The following CALN1 variants were observed in gnomAD, a reference collection of about 807,000 sequenced individuals.
CALN1 encodes the protein calcium-binding protein 8.
A neutral mutation model predicts 30.6 loss-of-function variants in CALN1; 17 were observed. The ratio of observed to expected loss-of-function variants is 0.56; its 90% CI spans 0.38 to 0.83. The LOEUF (loss-of-function observed/expected upper bound fraction) is 0.83. CALN1 is among the 40% of genes least tolerant of loss of function. The pLI, the probability that CALN1 is intolerant of heterozygous loss-of-function variation, is 0.00. For missense variants in CALN1, 291 were observed against 354.9 expected (o/e 0.82, Z 1.45); for synonymous variants, 156 against 131.4 (o/e 1.19, Z -1.28).
intron 2 of CALN1, among the ~76,000 whole-genome samples, chr7:72,330,340 C>T (rs1405464760): frequency 5.9e-5 from 9 of 151,374 alleles, no homozygotes; most frequent in Admixed American, 2.6e-4. Flanking sequence ...TGGTGGTGTA[C>T]GTCTGTAATC....
intron 2 of CALN1, among the ~76,000 whole-genome samples, chr7:72,300,668 T>C (rs6979866): frequency 0.47 from 71,052 of 152,060 alleles, 17,573 homozygotes; most frequent in South Asian, 0.68. Flanking sequence ...AACACAGATG[T>C]ATGTATTTAA....
the CALN1 span, among the ~76,000 whole-genome samples, chr7:72,462,723 T>C: frequency 6.6e-6 from 1 of 152,178 alleles, no homozygotes; most frequent in Non-Finnish European, 1.5e-5. Context: ...TGCACTCCCT[T>C]TTTCCCCAGA....
Position 72,232,296 on chromosome 7 carries a change from A to C in CALN1, c.244+46390T>G, listed in dbSNP as rs546866688. ...CAGAGGTGAAAGCCAAAAGTAATCC[A>C]GGTCCGGGAAGAAGACAACTAATTG... On this transcript the variant is annotated intron_variant, in intron 3 of 6. Transcript: ENST00000395275. Among the ~76,000 whole-genome samples the C allele has an allele frequency of 3.9e-5, 6 of 152,338 alleles. No individual in the cohort carries two copies. In the South Asian group the frequency reaches 1.2e-3, roughly 32 times the overall value.
intron 1 of CALN1, among the ~76,000 whole-genome samples, chr7:72,446,038 C>T (rs1245672440): frequency 6.6e-6 from 1 of 152,126 alleles, no homozygotes; most frequent in Non-Finnish European, 1.5e-5. Flanking sequence ...CCTTAGAACC[C>T]TGCCTCTAAG....
intron 2 of CALN1, among the ~76,000 whole-genome samples, chr7:72,314,838 TAAA>T (rs10538743): frequency 4.9e-5 from 7 of 144,084 alleles, no homozygotes; most frequent in African/African-American, 7.6e-5. Flanking sequence ...AACATTTTGT[TAAA>T]AAAAAAAAAA....
intron 2 of CALN1, among the ~76,000 whole-genome samples, chr7:72,396,780 T>C (rs1161990493): frequency 1.3e-5 from 2 of 152,118 alleles, no homozygotes; most frequent in Admixed American, 6.5e-5. Flanking sequence ...GGGGTTGAAA[T>C]AGTCATGGAG....
chr7:72,386,434 A>G (rs1805213007), intron 2 of CALN1, among the ~76,000 whole-genome samples: 1 of 152,236 alleles, frequency 6.6e-6, no homozygotes. Context: ...GTTTTAGTTG[A>G]TAAGGTTGTC....
intron 5 of CALN1, among the ~76,000 whole-genome samples, chr7:71,949,741 C>T (rs1029917209): frequency 4.6e-5 from 7 of 151,934 alleles, no homozygotes; most frequent in African/African-American, 1.2e-4. Context: ...TATGCCTGGG[C>T]CTGCTCCCAA....
At chr7:71,945,815 G>A (rs1464118152) in intron 5 of CALN1, among the ~76,000 whole-genome samples, 1 of 152,150 alleles carries the variant, frequency 6.6e-6, no homozygotes, top group African/African-American at 2.4e-5. Flanking sequence ...AATAATAATA[G>A]AAATAAAGTA....
chr7:72,359,990 A>AAAAAAAAAAAAAC (rs1365927582), intron 2 of CALN1, among the ~76,000 whole-genome samples: 74 of 148,080 alleles, frequency 5.0e-4, no homozygotes, highest in Non-Finnish European at 6.0e-4. Flanking sequence ...AAAAAAAAAA[A>AAAAAAAAAAAAAC]ACCAAAGTTG....
chr7:72,487,753 G>GGAAGGAAGGAAA, the CALN1 span, among the ~76,000 whole-genome samples: 1 of 110,650 alleles, frequency 9.0e-6, no homozygotes, highest in Non-Finnish European at 1.8e-5. Flanking sequence ...AAGGAAGGAA[G>GGAAGGAAGGAAA]GAAGGAAGGG....
At chr7:72,034,590 G>A (rs565264387) in intron 4 of CALN1, among the ~76,000 whole-genome samples, 4 of 151,672 alleles carry the variant, frequency 2.6e-5, no homozygotes, top group African/African-American at 9.7e-5. Context: ...CTAGGAGATC[G>A]AGACCAGCCT....
chr7:72,096,078 T>C (rs963577898), intron 4 of CALN1, among the ~76,000 whole-genome samples: 4 of 151,674 alleles, frequency 2.6e-5, no homozygotes, highest in Non-Finnish European at 4.4e-5. Context: ...GATAGATAGA[T>C]AGATAGATAG....
intron 2 of CALN1, among the ~76,000 whole-genome samples, chr7:72,380,636 G>A (rs573590024): frequency 3.3e-5 from 5 of 152,274 alleles, no homozygotes; most frequent in Middle Eastern, 3.4e-3. Flanking sequence ...TATTAAGAGA[G>A]AAACCAGCTA....
At chr7:71,822,231 CTGT>C (rs78145622) in intron 5 of CALN1, among the ~76,000 whole-genome samples, 24,846 of 151,852 alleles carry the variant, frequency 0.16, 2,948 homozygotes, top group East Asian at 0.57. Flanking sequence ...TTTGGCTGTA[CTGT>C]TGTTATTTTA....
intron 1 of CALN1, among the ~76,000 whole-genome samples, chr7:72,407,397 T>G (rs776956206): frequency 1.2e-4 from 18 of 152,238 alleles, no homozygotes; most frequent in Non-Finnish European, 1.9e-4. Context: ...TCCCCAATGT[T>G]GGAGGTGGGG....
intron 5 of CALN1, among the ~76,000 whole-genome samples, chr7:71,888,960 G>A (rs1793078910): frequency 6.6e-6 from 1 of 152,224 alleles, no homozygotes; most frequent in Non-Finnish European, 1.5e-5. Flanking sequence ...GGCCACCGCT[G>A]AGGAGGGAAG....
chr7:72,093,413 C>A (rs844720), intron 4 of CALN1, among the ~76,000 whole-genome samples: 12 of 152,190 alleles, frequency 7.9e-5, no homozygotes, highest in African/African-American at 2.6e-4. Context: ...ACAAACTTCC[C>A]AAGTGGGATT....
At chr7:72,332,227 T>G (rs1157196897) in intron 2 of CALN1, among the ~76,000 whole-genome samples, 1 of 152,176 alleles carries the variant, frequency 6.6e-6, no homozygotes, top group African/African-American at 2.4e-5. Context: ...CCCTAGGCAA[T>G]GTGTGCAAGG....
Sources: allele counts gnomAD v4.1 joint callset (sites outside exome capture counted in the v4.1 genomes callset), GRCh38; gene constraint gnomAD v4.1.1; transcripts MANE v1.5; gene names NCBI Gene and HGNC (gene_info 2026-07-23, HGNC 2026-07-21).